Variants in RBL2 observed in about 807,000 individuals in gnomAD.
The protein encoded by RBL2 is retinoblastoma-like protein 2.
Under a neutral mutation model 126.0 loss-of-function variants are expected in RBL2, and 56 were observed. The observed-to-expected ratio is 0.44, with a 90% CI of 0.36 to 0.56. The LOEUF is 0.56. RBL2 is among the 20% of genes least tolerant of loss of function. The probability of loss-of-function intolerance (pLI) is 0.00; values close to 1 mark genes in which losing one functional copy is unlikely to be tolerated. For missense variants in RBL2, 1,229 were observed against 1,398.2 expected, an observed-to-expected ratio of 0.88 and a Z score of 1.93; for synonymous variants, 454 against 478.5, an observed-to-expected ratio of 0.95 and a Z score of 0.67.
intron 14 of RBL2, among the ~76,000 whole-genome samples, chr16:53,468,693 T>G (rs988023159): frequency 2.0e-5 from 3 of 152,196 alleles, no homozygotes; most frequent in Non-Finnish European, 2.9e-5. Context: ...CATCTGGAAA[T>G]AGAAATGTTA....
intron 1 of RBL2, among the ~76,000 whole-genome samples, chr16:53,436,866 T>C (rs77278424): frequency 0.013 from 1,906 of 152,276 alleles, 47 homozygotes; most frequent in African/African-American, 0.044. Flanking sequence ...ATAACTTTTT[T>C]AGTATTATGG....
intron 11 of RBL2, 72 bp downstream of exon 11, chr16:53,462,727 GTT>G: frequency 9.8e-7 from 1 of 1,018,542 alleles, no homozygotes; most frequent in Non-Finnish European, 1.4e-6. Flanking sequence ...TCTGTGGGTT[GTT>G]TTTTTTACTT....
intron 4 of RBL2, chr16:53,448,803 T>G (rs975421237): frequency 2.6e-5 from 4 of 152,194 alleles, no homozygotes; most frequent in Non-Finnish European, 4.4e-5. Context: ...CTTTAAAGAT[T>G]AGGCAGCTGA....
At chr16:53,456,958 C>G (rs1023288477) in intron 8 of RBL2, among the ~76,000 whole-genome samples, 1 of 152,066 alleles carries the variant, frequency 6.6e-6, no homozygotes, top group African/African-American at 2.4e-5. Context: ...TTACCTGTCT[C>G]CTTGCATTAG....
intron 2 of RBL2, among the ~76,000 whole-genome samples, chr16:53,440,026 C>T (rs541394354): frequency 1.3e-5 from 2 of 150,802 alleles, no homozygotes; most frequent in Admixed American, 6.6e-5. Flanking sequence ...GTGGCTCACA[C>T]CTGTAATCCC....
At position 53,451,801 on chromosome 16, in the gene RBL2, C is replaced by T; in HGVS notation, c.736C>T (p.Arg246Cys). The T allele has an allele frequency of 3.7e-6, 6 of 1,613,642 alleles. No homozygotes were observed. The highest frequency in any genetic ancestry group is 5.1e-6 in the Non-Finnish European group (6 of 1,179,740). The change falls in exon 5 of 22, where the codon CGT (arginine) becomes TGT (cysteine). Residue 246 changes from arginine (R) to cysteine (C), a missense_variant. Arg to Cys is a radical substitution (Grantham distance 180, BLOSUM62 -3). Coordinates refer to ENST00000262133, the MANE Select transcript of RBL2 (RefSeq NM_005611.4). ...TGGAAATGCACTTCAGTGTTCTAAT[C>T]GTAAAGAACTTGTGAACCCTAATTT... ...VYGNALQCSN[R>C]KELVNPNFKG...
Position 53,436,579 on chromosome 16 carries a change from A to G in RBL2, c.240+1783A>G, listed in dbSNP as rs376501266. Among the ~76,000 whole-genome samples the G allele has an allele frequency of 1.9e-4, 29 of 152,334 alleles. 1 individual carries two copies. In the East Asian group the frequency reaches 2.3e-3, roughly 12 times the overall value. On this transcript the variant is annotated intron_variant, in intron 1 of 21. Transcript: ENST00000262133. ...GCTTACAGTGAGGTACGCTGTGACA[A>G]TATGGGATGTCATTCTCATGGGAGT...
chr16:53,481,702 T>C lies in RBL2; in HGVS notation c.3116T>C (p.Phe1039Ser). 6.2e-7 allele frequency: 1 copy of C among 1,612,820 alleles called. No individual in the cohort carries two copies. The highest frequency in any genetic ancestry group is 8.5e-7 in the Non-Finnish European group (1 of 1,179,026). Residue 1039 changes from phenylalanine to serine, a missense_variant, in exon 21 of 22, where the codon TTT becomes TCT. Coordinates refer to ENST00000262133, the MANE Select transcript of RBL2 (RefSeq NM_005611.4). ...MDAPPLSPYPFVRTGSPRRIQ... is the reference protein window; with the variant it reads ...MDAPPLSPYPSVRTGSPRRIQ... ...GCTCCTCCACTCTCTCCCTATCCATTTGTAAGAACAGGCTCCCCTCGCCGA... is the reference window on the plus strand; with the variant it reads ...GCTCCTCCACTCTCTCCCTATCCATCTGTAAGAACAGGCTCCCCTCGCCGA...
rs1555566426 is a variant in RBL2 at position 53,457,258 on chromosome 16, C to CCTTTTTTTTTTTTTTTTTTTT, written c.1180-2193_1180-2192insCTTTTTTTTTTTTTTTTTTTT. Among the ~76,000 whole-genome samples the CCTTTTTTTTTTTTTTTTTTTT allele has an allele frequency of 3.2e-3, 291 of 89,902 alleles. 39 individuals are homozygous for CCTTTTTTTTTTTTTTTTTTTT. The highest frequency in any genetic ancestry group is 8.1e-3 in the Middle Eastern group (1 of 124). 59.0% of individuals were successfully genotyped at this position (89,902 alleles called of 152,430 possible). ...GGGTCATCAGGGTGGGTACAGATAG[C>CCTTTTTTTTTTTTTTTTTTTT]TTTTTTTTTTTTTTTTTTTGAGATG... On this transcript the variant is annotated intron_variant, in intron 8 of 21. Transcript: ENST00000262133.
At chr16:53,447,937 G>T (rs756847687) in intron 4 of RBL2, among the ~76,000 whole-genome samples, 101 of 152,086 alleles carry the variant, frequency 6.6e-4, no homozygotes, top group Middle Eastern at 3.4e-3. Context: ...GAGCCACTGC[G>T]CCCAGTTCCT....
chr16:53,453,068 A>T (rs1285340176), intron 5 of RBL2, among the ~76,000 whole-genome samples: 1 of 152,204 alleles, frequency 6.6e-6, no homozygotes, highest in African/African-American at 2.4e-5. Flanking sequence ...CATTCAAATT[A>T]AAGTATATAA....
chr16:53,440,702 C>T (rs2058006619), intron 2 of RBL2, among the ~76,000 whole-genome samples: 1 of 151,998 alleles, frequency 6.6e-6, no homozygotes, highest in African/African-American at 2.4e-5. Context: ...TACAGATGCG[C>T]ACCACCACAC....
chr16:53,469,892 T>C, intron 14 of RBL2, 24 bp from the exon 15 acceptor site: 2 of 1,515,014 alleles, frequency 1.3e-6, no homozygotes, highest in Non-Finnish European at 1.8e-6. Context: ...GTTAAATGCT[T>C]TGTTTGATTT....
Position 53,464,365 on chromosome 16 carries a change from T to C in RBL2, c.1698+2T>C. 1 of 1,555,298 alleles carries C rather than the reference T, an allele frequency of 6.4e-7. No individual in the cohort carries two copies. Among genetic ancestry groups the C allele is most frequent in the Non-Finnish European group, 8.8e-7 (1 of 1,132,838 alleles). ...GTGCCTCTTTATCATTTTTATAAGG[T>C]ATTTTTAAAAATATGATACTAATGG... On this transcript the variant is annotated splice_donor_variant, in intron 12 of 21. Transcript: ENST00000262133. LOFTEE classifies it high-confidence loss of function.
intron 4 of RBL2, among the ~76,000 whole-genome samples, chr16:53,450,340 C>A (rs2058103541): frequency 6.6e-6 from 1 of 151,996 alleles, no homozygotes; most frequent in Non-Finnish European, 1.5e-5. Flanking sequence ...TGAAACAAAG[C>A]TGCAGGTGTG....
chr16:53,491,484 T>A lies in RBL2; in HGVS notation c.*1184T>A, dbSNP rs1961452000. 6.6e-6 allele frequency: 1 copy of A among 152,590 alleles called. No individual in the cohort carries two copies. Among genetic ancestry groups the A allele is most frequent in the Non-Finnish European group, 1.5e-5 (1 of 68,024 alleles). 9.5% of individuals were successfully genotyped at this position (152,590 alleles called of 1,614,324 possible). On this transcript the variant is annotated 3_prime_UTR_variant, in exon 22 of 22. Transcript: ENST00000262133. ...AATTCAATTGTAAATTGAATCAGTATAAACAAAGTTACTAGGTAACTTCAT... is the reference window on the plus strand; with the variant it reads ...AATTCAATTGTAAATTGAATCAGTAAAAACAAAGTTACTAGGTAACTTCAT...
At chr16:53,445,683 C>T (rs910832988) in intron 3 of RBL2, 1 of 152,284 alleles carries the variant, frequency 6.6e-6, no homozygotes, top group African/African-American at 2.4e-5. Context: ...GAAAATGTGT[C>T]ACTATTTGTT....
At chr16:53,449,550 G>C (rs1407191951) in intron 4 of RBL2, 1 of 143,234 alleles carries the variant, frequency 7.0e-6, no homozygotes, top group Admixed American at 7.2e-5. Context: ...AGCTGAGATT[G>C]CACCTCCAGT....
At position 53,453,753 on chromosome 16, in the gene RBL2, A is replaced by T; in HGVS notation, c.976A>T (p.Asn326Tyr). The T allele has an allele frequency of 6.2e-7, 1 of 1,609,062 alleles. No individual in the cohort carries two copies. Among genetic ancestry groups the T allele is most frequent in the South Asian group, 1.1e-5 (1 of 90,054 alleles). The change falls in exon 7 of 22, where the codon AAC becomes TAC. Residue 326 changes from asparagine to tyrosine, a missense_variant. By Grantham distance (143) the Asn-to-Tyr change is moderately radical. Transcript: ENST00000262133. ...TCTCACTGGGTTTCTAGAACCTGGGAACTTTGGAGAGAGTTTGTGAGTACT... is the reference window on the plus strand; with the variant it reads ...TCTCACTGGGTTTCTAGAACCTGGGTACTTTGGAGAGAGTTTGTGAGTACT... Reference protein sequence around the residue: ...ENLTGFLEPGNFGESFKAINK... With the variant: ...ENLTGFLEPGYFGESFKAINK...
Sources: gnomAD v4.1 joint callset for allele counts (sites outside exome capture counted in the v4.1 genomes callset) on GRCh38, gnomAD v4.1.1 for gene constraint, MANE v1.5 for transcripts, NCBI Gene and HGNC (gene_info 2026-07-23, HGNC 2026-07-21) for gene names.